The following NKPD1 variants were observed in gnomAD, a reference collection of about 807,000 sequenced individuals.
NKPD1 encodes NTPase KAP family P-loop domain containing 1.
NKPD1 carries 37 observed loss-of-function variants against 42.2 expected under a neutral mutation model. That is an observed-to-expected ratio of 0.88 (90% CI 0.67 to 1.15). The LOEUF is 1.15. Among genes scored for constraint, NKPD1 ranks in the 50% most tolerant of loss-of-function variants. The pLI, the probability that NKPD1 is intolerant of heterozygous loss-of-function variation, is 0.00. For missense variants in NKPD1, 1,113 were observed against 1,174.6 expected (o/e 0.95, Z 0.77); for synonymous variants, 552 against 536.5 (o/e 1.03, Z -0.40).
intron 4 of NKPD1, 61 bp downstream of exon 4, chr19:45,155,724 G>A: frequency 7.9e-7 from 1 of 1,258,784 alleles, no homozygotes; most frequent in South Asian, 1.3e-5. Flanking sequence ...GCCTGGAGCT[G>A]GGCGGGGACC....
upstream of NKPD1, among the ~76,000 whole-genome samples, chr19:45,162,121 C>T (rs933600074): frequency 1.4e-4 from 22 of 152,130 alleles, no homozygotes; most frequent in African/African-American, 4.6e-4. Context: ...ACCCCCGGCC[C>T]GATCATGAAG....
In NKPD1 at chr19:45,152,050, G is replaced by C; in HGVS notation, c.2387C>G (p.Ser796Ter). The change falls in exon 5 of 5, where the codon TCA (serine) becomes TGA (stop). Residue 796 changes from serine to a stop codon, truncating the protein, a stop_gained. Transcript: ENST00000686631. LOFTEE classifies it low-confidence loss of function (END_TRUNC). Reference sequence around the variant, plus strand: ...GTGGTGGCCTTCGCCGGCTTGCCCTGAGGCACGGCCCGACGGGGGCGCCCT... The same window carrying C: ...GTGGTGGCCTTCGCCGGCTTGCCCTCAGGCACGGCCCGACGGGGGCGCCCT... The part of the protein sequence containing the change: ...ASRAPPSGRA[S>*]GQAGEGHHTG... The C allele has an allele frequency of 6.2e-7, 1 of 1,609,006 alleles. No homozygotes were observed. Among genetic ancestry groups the C allele is most frequent in the African/African-American group, 1.3e-5 (1 of 74,756 alleles).
chr19:45,153,880 A>C, intron 4 of NKPD1, 105 bp from the exon 5 acceptor site: 1 of 1,169,950 alleles, frequency 8.5e-7, no homozygotes, highest in South Asian at 2.1e-5. Flanking sequence ...AGGGGCGCCC[A>C]GCAGAGGCGA....
rs778834649 is a variant in NKPD1, at chr19:45,153,024, G to T, written c.1413C>A (p.Gly471=). The change falls in exon 5 of 5, where the codon GGC becomes GGA. Residue 471 remains glycine, a synonymous_variant. Coordinates refer to ENST00000686631, the MANE Select transcript of NKPD1 (RefSeq NM_198478.4). The part of the protein sequence containing the change: ...LDTCYPERVV[G]VLNAINTLLS... ...GCAGCGTGTTGATGGCGTTGAGCAC[G>T]CCCACCACGCGCTCCGGGTAGCACG... 6.3e-7 allele frequency: 1 copy of T among 1,584,070 alleles called. No individual in the cohort carries two copies. The highest frequency in any genetic ancestry group is 8.6e-7 in the Non-Finnish European group (1 of 1,164,426).
rs1968757409 is a variant in NKPD1 at position 45,150,473 on chromosome 19, A to T, written c.*1465T>A. On this transcript the variant is annotated 3_prime_UTR_variant, in exon 5 of 5. Coordinates refer to ENST00000686631, the MANE Select transcript of NKPD1 (RefSeq NM_198478.4). ...AAACAAACCCAACTGAAACTGGCTT[A>T]AGGGAGGCTACAGGGATATATTGAC... is the stretch of plus-strand genomic sequence containing the variant. The T allele has an allele frequency of 6.6e-6, 1 of 152,182 alleles. No homozygotes were observed. Among genetic ancestry groups the T allele is most frequent in the African/African-American group, 2.4e-5 (1 of 41,416 alleles). The allele number at this position is 152,182 out of a possible 1,614,324, so 9.4% of individuals were successfully genotyped here.
At position 45,153,672 on chromosome 19, in the gene NKPD1, C is replaced by CCACA; in HGVS notation, c.761_764dup (p.Trp255CysfsTer29). On this transcript the variant is annotated frameshift_variant, in exon 5 of 5. Transcript: ENST00000686631. LOFTEE classifies it high-confidence loss of function. ...TGATGGGCTGCAGGAACACCAGGTA[C>CCACA]CACAGTAGCTGCGGGACGCCCCAGC... 1 of 1,571,578 alleles carries CCACA rather than the reference C, an allele frequency of 6.4e-7. No individual in the cohort carries two copies. Among genetic ancestry groups the CCACA allele is most frequent in the Non-Finnish European group, 8.6e-7 (1 of 1,158,690 alleles).
rs766236340 is a variant in NKPD1, at chr19:45,156,391, G to A, written c.530-475C>T. On this transcript the variant is annotated intron_variant, in intron 3 of 4. Coordinates refer to ENST00000686631, the MANE Select transcript of NKPD1 (RefSeq NM_198478.4). ...CCCTGGGCCGCAGGCTCCTCCCACC[G>A]TCCTGTCCATCATGCTGGCAAGTCA... Among the ~76,000 whole-genome samples the A allele has an allele frequency of 5.3e-5, 8 of 152,272 alleles. No individual in the cohort carries two copies. In the East Asian group the frequency reaches 5.8e-4, roughly 11 times the overall value.
At position 45,153,329 on chromosome 19, in the gene NKPD1, C is replaced by G. The variant is rs1481812222; in HGVS notation, c.1108G>C (p.Gly370Arg). Residue 370 changes from glycine (G) to arginine (R), a missense_variant, in exon 5 of 5, where the codon GGC (glycine) becomes CGC (arginine). Gly to Arg is a moderately radical substitution (Grantham distance 125). Transcript: ENST00000686631. ...LSLGGHALGH[G>R]SPSGSLLKVF... ...TTGAGCAGGCTGCCGCTCGGGCTGC[C>G]GTGGCCCAGCGCGTGGCCGCCCAGT... 1.9e-6 allele frequency: 3 copies of G among 1,569,214 alleles called. No individual in the cohort carries two copies. Among genetic ancestry groups the G allele is most frequent in the Non-Finnish European group, 2.6e-6 (3 of 1,159,188 alleles).
Position 45,152,661 on chromosome 19 carries a change from CTCG to C in NKPD1, c.1773_1775del (p.Asp591del), listed in dbSNP as rs1265429856. ...GCGCCTCCTGGATTCGCCGCGCCGC[CTCG>C]TCGTCGATGCGGCCCTGCCCGCGCT... On this transcript the variant is annotated inframe_deletion, in exon 5 of 5. Transcript: ENST00000686631. The C allele has an allele frequency of 6.5e-7, 1 of 1,546,870 alleles. No homozygotes were observed. The highest frequency in any genetic ancestry group is 8.7e-7 in the Non-Finnish European group (1 of 1,154,452).
chr19:45,154,484 G>C (rs771261173), intron 4 of NKPD1, among the ~76,000 whole-genome samples: 2 of 152,170 alleles, frequency 1.3e-5, no homozygotes, highest in Admixed American at 6.5e-5. Flanking sequence ...GTGAATGAGC[G>C]GGAGTGTCTA....
In NKPD1 at chr19:45,160,124, G is replaced by A. The variant is rs373520782; in HGVS notation, c.27C>T (p.Phe9=). MHKHYKVH[F]AKDAQSPNGH... ...CGTTGGGGCTCTGGGCATCCTTGGC[G>A]AAGTGGACTTTGTAATGTTTGTGCA... Residue 9 remains phenylalanine, a synonymous_variant, in exon 2 of 5, where the codon TTC becomes TTT. Coordinates refer to ENST00000686631, the MANE Select transcript of NKPD1 (RefSeq NM_198478.4). 2.9e-5 allele frequency: 38 copies of A among 1,305,090 alleles called. No individual in the cohort carries two copies. In the African/African-American group the frequency reaches 4.4e-4, roughly 15 times the overall value. The allele number at this position is 1,305,090 out of a possible 1,614,324, so 80.8% of individuals were successfully genotyped here.
chr19:45,159,287 T>C (rs1185010412), intron 2 of NKPD1, among the ~76,000 whole-genome samples, 187 bp from the exon 3 acceptor site: 2 of 152,096 alleles, frequency 1.3e-5, no homozygotes, highest in Non-Finnish European at 2.9e-5. Flanking sequence ...GGGTCTGTGC[T>C]GTCCCATGGC....
intron 3 of NKPD1, among the ~76,000 whole-genome samples, chr19:45,157,669 G>A (rs1968928490): frequency 6.7e-6 from 1 of 148,580 alleles, no homozygotes; most frequent in African/African-American, 2.5e-5. Context: ...TCCTGCCTCA[G>A]CCTTCCAAAC....
intron 3 of NKPD1, among the ~76,000 whole-genome samples, chr19:45,156,348 G>A (rs78541786): frequency 0.029 from 4,392 of 152,246 alleles, 80 homozygotes; most frequent in South Asian, 0.073. Context: ...CTGCTGGCCC[G>A]GCCAGAGCAT....
At position 45,152,544 on chromosome 19, in the gene NKPD1, G is replaced by A; in HGVS notation, c.1893C>T (p.Ile631=). 6.3e-7 allele frequency: 1 copy of A among 1,584,150 alleles called. No homozygotes were observed. The highest frequency in any genetic ancestry group is 8.5e-7 in the Non-Finnish European group (1 of 1,174,124). The change falls in exon 5 of 5, where the codon ATC becomes ATT. Residue 631 remains isoleucine (I), a synonymous_variant. Transcript: ENST00000686631. The part of the protein sequence containing the change: ...SMRRIVNTVP[I]TVRLLQQQQQ... ...GCTGCTGCTGCAGCAGGCGCACGGTGATGGGCACGGTGTTGACGATGCGCC... is the reference window on the plus strand; with the variant it reads ...GCTGCTGCTGCAGCAGGCGCACGGTAATGGGCACGGTGTTGACGATGCGCC...
chr19:45,162,065 A>T (rs982303663), upstream of NKPD1, among the ~76,000 whole-genome samples: 1 of 152,042 alleles, frequency 6.6e-6, no homozygotes, highest in African/African-American at 2.4e-5. Context: ...CGGGGCTGGC[A>T]TCTGAGCGTG....
At position 45,151,992 on chromosome 19, in the gene NKPD1, C is replaced by T. The variant is rs778923269; in HGVS notation, c.2445G>A (p.Trp815Ter). Residue 815 changes from tryptophan to a stop codon, truncating the protein, a stop_gained, in exon 5 of 5, where the codon TGG becomes TGA. Coordinates refer to ENST00000686631, the MANE Select transcript of NKPD1 (RefSeq NM_198478.4). LOFTEE classifies it low-confidence loss of function (END_TRUNC). ...TGDLAHRGKLWPVACALFRPG... is the reference protein window; with the variant it reads ...TGDLAHRGKL ...GACGGAAGAGCGCACAGGCCACCGGCCATAGCTTGCCCCTGTGGGCCAAGT... is the reference window on the plus strand; with the variant it reads ...GACGGAAGAGCGCACAGGCCACCGGTCATAGCTTGCCCCTGTGGGCCAAGT... The T allele has an allele frequency of 2.5e-6, 4 of 1,608,562 alleles. No homozygotes were observed. In the East Asian group the frequency reaches 8.9e-5, roughly 36 times the overall value.
chr19:45,154,639 T>C (rs914475173), intron 4 of NKPD1, among the ~76,000 whole-genome samples: 5 of 152,274 alleles, frequency 3.3e-5, no homozygotes, highest in South Asian at 2.1e-4. Context: ...GCACCAGGGC[T>C]GGGCACACGT....
At position 45,152,138 on chromosome 19, in the gene NKPD1, T is replaced by C. The variant is rs1421752271; in HGVS notation, c.2299A>G (p.Ser767Gly). 1.2e-6 allele frequency: 2 copies of C among 1,601,214 alleles called. No individual in the cohort carries two copies. The highest frequency in any genetic ancestry group is 1.3e-5 in the African/African-American group (1 of 74,848). ...TCGCGGGTAGGGGACTTGGGCGGGC[T>C]GGGCGGCTTGAGCGCGCTGACGGCT... Reference protein sequence around the residue: ...IRAVSALKPPSPPKSPTRDTP... With the variant: ...IRAVSALKPPGPPKSPTRDTP... The change falls in exon 5 of 5, where the codon AGC becomes GGC. Residue 767 changes from serine (S) to glycine (G), a missense_variant. Transcript: ENST00000686631.
Sources: gnomAD v4.1 joint callset for allele counts (sites outside exome capture counted in the v4.1 genomes callset) on GRCh38, gnomAD v4.1.1 for gene constraint, MANE v1.5 for transcripts, NCBI Gene and HGNC (gene_info 2026-07-23, HGNC 2026-07-21) for gene names.